Variants in SF3A1 observed in about 807,000 individuals in gnomAD.
SF3A1 encodes the protein SAP 114.
A neutral mutation model predicts 89.9 loss-of-function variants in SF3A1; 13 were observed. The observed-to-expected ratio is 0.14, with a 90% CI of 0.09 to 0.23. SF3A1 has a LOEUF of 0.23. Ranked by LOEUF, SF3A1 falls within the 10% of genes least tolerant of loss-of-function variation. SF3A1 has a pLI of 1.00. For missense variants in SF3A1, 604 were observed against 1,022.1 expected, an observed-to-expected ratio of 0.59 and a Z score of 5.58; for synonymous variants, 405 against 374.4, an observed-to-expected ratio of 1.08 and a Z score of -0.94.
At chr22:30,352,808 C>A (rs1306260700) in intron 2 of SF3A1, 143 bp downstream of exon 2, 17 of 903,800 alleles carry the variant, frequency 1.9e-5, no homozygotes. Context: ...CTACCTATTG[C>A]CTACCCCAGT....
chr22:30,351,418 G>T (rs1485516291), intron 2 of SF3A1, among the ~76,000 whole-genome samples: 1 of 152,220 alleles, frequency 6.6e-6, no homozygotes, highest in South Asian at 2.1e-4. Flanking sequence ...GCCTCAGGGG[G>T]GTGACGTGGT....
At chr22:30,336,928 A>C in intron 13 of SF3A1, 98 bp downstream of exon 13, 2 of 1,444,322 alleles carry the variant, frequency 1.4e-6, no homozygotes, top group Non-Finnish European at 9.7e-7. Flanking sequence ...CCAGAAGCCA[A>C]GACTGGGAGT....
In SF3A1 at chr22:30,356,865, T is replaced by C. The variant is rs1037538458; in HGVS notation, c.-73A>G. ...TGCCGCCTCAAGACAGCCTCCCCGC[T>C]CGGTCAGTACGACGAGCTCGCAAGA... On this transcript the variant is annotated 5_prime_UTR_variant, in exon 1 of 16. Transcript: ENST00000215793. 8.2e-6 allele frequency: 10 copies of C among 1,223,952 alleles called. No homozygotes were observed. The highest frequency in any genetic ancestry group is 1.0e-5 in the Non-Finnish European group (10 of 962,912). The allele number at this position is 1,223,952 out of a possible 1,614,324, so 75.8% of individuals were successfully genotyped here.
chr22:30,342,906 T>C, intron 4 of SF3A1, 27 bp from the exon 5 acceptor site: 3 of 1,455,848 alleles, frequency 2.1e-6, no homozygotes, highest in Non-Finnish European at 2.9e-6. Context: ...TTAAAGCAAC[T>C]GTCAGTGCTT....
intron 12 of SF3A1, among the ~76,000 whole-genome samples, 177 bp downstream of exon 12, chr22:30,337,513 G>C (rs1015646976): frequency 6.6e-6 from 1 of 152,200 alleles, no homozygotes; most frequent in African/African-American, 2.4e-5. Flanking sequence ...ATTTCTACCA[G>C]GAACGGTGGC....
intron 15 of SF3A1, 139 bp downstream of exon 15, chr22:30,335,328 T>A: frequency 1.3e-6 from 1 of 753,750 alleles, no homozygotes; most frequent in Non-Finnish European, 2.3e-6. Flanking sequence ...CCAGCCAGCA[T>A]CATGACTTCT....
chr22:30,345,160 C>T lies in SF3A1; in HGVS notation c.424G>A (p.Val142Met), dbSNP rs752541254. 4.3e-6 allele frequency: 7 copies of T among 1,613,658 alleles called. No individual in the cohort carries two copies. The highest frequency in any genetic ancestry group is 5.9e-6 in the Non-Finnish European group (7 of 1,179,850). The change falls in exon 4 of 16, where the codon GTG becomes ATG. Residue 142 changes from valine to methionine, a missense_variant. Transcript: ENST00000215793. Reference sequence around the variant, plus strand: ...AACTCAGGAGGAGGCTCTTTGGGCACGATGGTCTCTTGGATTACTTGGGCT... The same window carrying T: ...AACTCAGGAGGAGGCTCTTTGGGCATGATGGTCTCTTGGATTACTTGGGCT... ...VQAQVIQETI[V>M]PKEPPPEFEF... is the part of the protein sequence containing the mutation.
chr22:30,341,541 T>C (rs1931253908), intron 7 of SF3A1, 151 bp downstream of exon 7: 1 of 412,166 alleles, frequency 2.4e-6, no homozygotes, highest in Admixed American at 3.8e-5. Flanking sequence ...GGCTCTGTGC[T>C]GCCTGGACTT....
chr22:30,341,952 C>T, intron 6 of SF3A1, 67 bp from the exon 7 acceptor site: 1 of 1,487,306 alleles, frequency 6.7e-7, no homozygotes, highest in Non-Finnish European at 9.2e-7. Context: ...TGTCTGAGCT[C>T]CCCAAGGGCT....
chr22:30,340,670 G>A (rs1931223209), intron 8 of SF3A1, 25 bp downstream of exon 8: 9 of 1,424,528 alleles, frequency 6.3e-6, no homozygotes, highest in Middle Eastern at 1.7e-4. Context: ...GGCAGCCCGA[G>A]GGTTGGGAAG....
At chr22:30,338,036 G>A (rs1931129325) in intron 11 of SF3A1, 139 bp from the exon 12 acceptor site, 1 of 717,186 alleles carries the variant, frequency 1.4e-6, no homozygotes, top group East Asian at 2.7e-5. Context: ...CTGAGAAACT[G>A]TGGCCTACAC....
chr22:30,352,540 C>CT (rs1260008906), intron 2 of SF3A1: 1 of 164,266 alleles, frequency 6.1e-6, no homozygotes, highest in African/African-American at 2.4e-5. Flanking sequence ...CACAACAACT[C>CT]TGAGATGGCA....
intron 1 of SF3A1, among the ~76,000 whole-genome samples, chr22:30,355,815 T>TCCCCCCCCCCCCCC (rs11451197): frequency 4.3e-5 from 4 of 92,278 alleles, no homozygotes; most frequent in Non-Finnish European, 6.2e-5. Flanking sequence ...TCAGTCATGT[T>TCCCCCCCCCCCCCC]CCCCCCCCCC....
chr22:30,346,194 A>T (rs1351838874), intron 3 of SF3A1, 118 bp downstream of exon 3: 15 of 740,134 alleles, frequency 2.0e-5, no homozygotes, highest in Non-Finnish European at 2.6e-5. Flanking sequence ...AGATGGGGAT[A>T]ACGACCTCAC....
rs1298119358 is a variant in SF3A1 at position 30,333,844 on chromosome 22, A to G, written c.*750T>C. 6.6e-6 allele frequency: 1 copy of G among 152,248 alleles called. No individual in the cohort carries two copies. Among genetic ancestry groups the G allele is most frequent in the African/African-American group, 2.4e-5 (1 of 41,458 alleles). The allele number at this position is 152,248 out of a possible 1,614,324, so 9.4% of individuals were successfully genotyped here. A position where few individuals can be genotyped will look rare whatever the true frequency, so the allele number is the denominator to read the frequency against. ...ACCTATGAGGCACCTGCCCAGGACC[A>G]CAGAGCCAATCAATCAGGTGATGAG... On this transcript the variant is annotated 3_prime_UTR_variant, in exon 16 of 16. Transcript: ENST00000215793.
chr22:30,350,788 TTC>T (rs1569175018), intron 2 of SF3A1, among the ~76,000 whole-genome samples: 1 of 152,218 alleles, frequency 6.6e-6, no homozygotes, highest in African/African-American at 2.4e-5. Flanking sequence ...TTTCTGTATA[TTC>T]TGTTTTTAAA....
At chr22:30,355,102 G>A (rs902188683) in intron 1 of SF3A1, among the ~76,000 whole-genome samples, 11 of 151,700 alleles carry the variant, frequency 7.3e-5, no homozygotes, top group Non-Finnish European at 1.5e-4. Flanking sequence ...TTGGCTCATT[G>A]CAACTTCTGC....
chr22:30,346,976 C>G (rs1931440626), intron 2 of SF3A1, among the ~76,000 whole-genome samples: 1 of 152,144 alleles, frequency 6.6e-6, no homozygotes, highest in Non-Finnish European at 1.5e-5. Context: ...GAGACTAATT[C>G]TCTTAGTTCA....
At chr22:30,355,815 T>TCCCCCCCCC (rs11451197) in intron 1 of SF3A1, among the ~76,000 whole-genome samples, 23 of 92,272 alleles carry the variant, frequency 2.5e-4, no homozygotes, top group South Asian at 9.6e-4. Context: ...TCAGTCATGT[T>TCCCCCCCCC]CCCCCCCCCC....
Sources: gnomAD v4.1 joint callset for allele counts (sites outside exome capture counted in the v4.1 genomes callset) on GRCh38, gnomAD v4.1.1 for gene constraint, MANE v1.5 for transcripts, NCBI Gene and HGNC (gene_info 2026-07-23, HGNC 2026-07-21) for gene names.